ZNF484: variants seen among roughly 807,000 people sequenced by gnomAD.
ZNF484 encodes KRAB box containing C2H2 type zinc finger bA526D8.4.
ZNF484 carries 11 observed loss-of-function variants against 12.9 expected under a neutral mutation model. That is an observed-to-expected ratio of 0.85 (90% CI 0.54 to 1.41). The LOEUF is 1.41. Among genes scored for constraint, ZNF484 ranks in the 40% most tolerant of loss-of-function variants. ZNF484 has a pLI of 0.00. For missense variants in ZNF484, 807 were observed against 1,007.7 expected (o/e 0.80, Z 2.70); for synonymous variants, 289 against 334.1 (o/e 0.86, Z 1.47).
chr9:92,848,023 T>G lies in ZNF484; in HGVS notation c.764A>C (p.Asp255Ala). The stretch of plus-strand genomic sequence containing the variant: ...CTTCGGGGAGAAAACATTTACGTAG[T>G]CAGAAAACAAATAGAGGCTCTCTCT... The part of the protein sequence containing the change: ...HTRESLYLFS[D>A]YVNVFSPKSH... The change falls in exon 5 of 5, where the codon GAC (aspartate) becomes GCC (alanine). Residue 255 changes from aspartate to alanine, a missense_variant. Coordinates refer to ENST00000375495, the MANE Select transcript of ZNF484 (RefSeq NM_031486.4). The surrounding 1 kb of genome is among the most constrained non-coding windows in gnomAD (Gnocchi z 4.1). 6.2e-7 allele frequency: 1 copy of G among 1,614,218 alleles called. No individual in the cohort carries two copies.
In ZNF484 at chr9:92,848,067, T is replaced by C; in HGVS notation, c.720A>G (p.Gln240=). The change falls in exon 5 of 5, where the codon CAA becomes CAG. Residue 240 remains glutamine, a synonymous_variant. Coordinates refer to ENST00000375495, the MANE Select transcript of ZNF484 (RefSeq NM_031486.4). This position sits in a 1 kb window ranked among gnomAD's most constrained non-coding sequence, Gnocchi z 4.1. The part of the protein sequence containing the change: ...KPLHHKQALI[Q]QQKIHTRESL... The stretch of plus-strand genomic sequence containing the variant: ...TCTCTCTAGTATGAATTTTCTGTTG[T>C]TGAATGAGAGCTTGCTTATGATGCA... 1 of 1,614,242 alleles carries C rather than the reference T, an allele frequency of 6.2e-7. No homozygotes were observed. Among genetic ancestry groups the C allele is most frequent in the Non-Finnish European group, 8.5e-7 (1 of 1,180,038 alleles).
At position 92,846,357 on chromosome 9, in the gene ZNF484, C is replaced by T; in HGVS notation, c.2430G>A (p.Gly810=). ...KQKPYKCSDL[G]KALNWKPQLS... ...GTTGTGGCTTCCAGTTTAAGGCTTTCCCCAAGTCACTGCACTTATAGGGTT... is the reference window on the plus strand; with the variant it reads ...GTTGTGGCTTCCAGTTTAAGGCTTTTCCCAAGTCACTGCACTTATAGGGTT... Residue 810 remains glycine, a synonymous_variant, in exon 5 of 5, where the codon GGG becomes GGA. Transcript: ENST00000375495. 3.1e-6 allele frequency: 5 copies of T among 1,614,118 alleles called. No homozygotes were observed. Among genetic ancestry groups the T allele is most frequent in the Non-Finnish European group, 8.5e-7 (1 of 1,180,004 alleles).
At chr9:92,854,887 T>C (rs968004690) in intron 4 of ZNF484, among the ~76,000 whole-genome samples, 4 of 152,062 alleles carry the variant, frequency 2.6e-5, no homozygotes, top group East Asian at 1.9e-4. Flanking sequence ...ATGGACCAAT[T>C]TGAGAAAAAA....
chr9:92,851,575 A>G (rs1270335513), intron 4 of ZNF484, among the ~76,000 whole-genome samples: 2 of 152,100 alleles, frequency 1.3e-5, no homozygotes, highest in Non-Finnish European at 2.9e-5. Context: ...GCCCTAGGGG[A>G]TGGTGGTACA....
At chr9:92,852,817 G>A (rs182649538) in intron 4 of ZNF484, among the ~76,000 whole-genome samples, 80 of 152,256 alleles carry the variant, frequency 5.3e-4, no homozygotes, top group African/African-American at 1.7e-3. Context: ...GATTACAGGC[G>A]TGAGCCACTG....
chr9:92,867,501 AAAC>A (rs1326876745), intron 2 of ZNF484, among the ~76,000 whole-genome samples: 3 of 152,086 alleles, frequency 2.0e-5, no homozygotes, highest in Non-Finnish European at 4.4e-5. Context: ...AAGCAAAACA[AAAC>A]AACAACAACA....
intron 2 of ZNF484, among the ~76,000 whole-genome samples, chr9:92,860,136 G>A (rs1856693024): frequency 6.6e-6 from 1 of 152,146 alleles, no homozygotes; most frequent in Non-Finnish European, 1.5e-5. Flanking sequence ...TGTTGGCATA[G>A]AATATTCAGT....
At chr9:92,855,705 G>A (rs1234162478) in intron 4 of ZNF484, 106 bp downstream of exon 4, 12 of 977,860 alleles carry the variant, frequency 1.2e-5, no homozygotes, top group East Asian at 2.4e-5. Context: ...AGTTCTAAAA[G>A]TCATTATTAA....
chr9:92,869,308 C>A (rs574099643), intron 2 of ZNF484, among the ~76,000 whole-genome samples: 44 of 152,062 alleles, frequency 2.9e-4, no homozygotes, highest in Non-Finnish European at 5.3e-4. Flanking sequence ...TTAAGCCAGA[C>A]ACTTATAATT....
At chr9:92,862,727 T>G (rs75836861) in intron 2 of ZNF484, among the ~76,000 whole-genome samples, 4,940 of 152,228 alleles carry the variant, frequency 0.032, 110 homozygotes, top group Non-Finnish European at 0.046. Flanking sequence ...AATTTATATA[T>G]AGAGAAAAGA....
Position 92,845,057 on chromosome 9 carries a change from T to C in ZNF484, c.*1171A>G, listed in dbSNP as rs892771186. ...AATTTACATTAGCTTTTAATCCATA[T>C]GTATATTAGTATCTGACATAGTACA... is the stretch of plus-strand genomic sequence containing the variant. On this transcript the variant is annotated 3_prime_UTR_variant, in exon 5 of 5. Coordinates refer to ENST00000375495, the MANE Select transcript of ZNF484 (RefSeq NM_031486.4). The surrounding 1 kb of genome is among the most constrained non-coding windows in gnomAD (Gnocchi z 4.0). The C allele has an allele frequency of 1.3e-5, 2 of 152,164 alleles. No homozygotes were observed. Among genetic ancestry groups the C allele is most frequent in the Non-Finnish European group, 2.9e-5 (2 of 68,010 alleles). 9.4% of individuals were successfully genotyped at this position (152,164 alleles called of 1,614,324 possible).
Position 92,846,795 on chromosome 9 carries a change from A to C in ZNF484, c.1992T>G (p.Tyr664Ter), listed in dbSNP as rs756739894. 6 of 1,614,084 alleles carry C rather than the reference A, an allele frequency of 3.7e-6. No homozygotes were observed. The highest frequency in any genetic ancestry group is 4.2e-6 in the Non-Finnish European group (5 of 1,180,004). Residue 664 changes from tyrosine (Y) to a stop codon, truncating the protein, a stop_gained, in exon 5 of 5, where the codon TAT (tyrosine) becomes TAG (stop). Coordinates refer to ENST00000375495, the MANE Select transcript of ZNF484 (RefSeq NM_031486.4). LOFTEE classifies it low-confidence loss of function (END_TRUNC). ...AGGCTTTCCCACAGTCACTACATTT[A>C]TAAGGTTTCTCTCCAGTGTGAATTT... is the stretch of plus-strand genomic sequence containing the variant. ...HQKIHTGEKP[Y>*]KCSDCGKAFT... is the part of the protein sequence containing the mutation.
chr9:92,870,849 G>A (rs2118209481), intron 2 of ZNF484, among the ~76,000 whole-genome samples: 1 of 152,320 alleles, frequency 6.6e-6, no homozygotes, highest in Non-Finnish European at 1.5e-5. Context: ...CCAACTAGCA[G>A]TAATGAGGTG....
intron 2 of ZNF484, among the ~76,000 whole-genome samples, chr9:92,859,279 G>A (rs937199542): frequency 2.6e-5 from 4 of 152,036 alleles, no homozygotes; most frequent in Admixed American, 1.3e-4. Flanking sequence ...AAAAAAAAGA[G>A]TGCATTCCAC....
chr9:92,872,914 A>G (rs1857544494), intron 2 of ZNF484, among the ~76,000 whole-genome samples: 1 of 152,194 alleles, frequency 6.6e-6, no homozygotes, highest in Admixed American at 6.5e-5. Context: ...AGTGCTAAAA[A>G]AAAAAACAAA....
rs911050819 is a variant in ZNF484, at chr9:92,874,877, CTCT to C, written c.15+135_15+137del. 1.1e-5 allele frequency: 9 copies of C among 818,090 alleles called. No homozygotes were observed. In the African/African-American group the frequency reaches 1.6e-4, roughly 14 times the overall value. 50.7% of individuals were successfully genotyped at this position (818,090 alleles called of 1,614,324 possible). A position where few individuals can be genotyped will look rare whatever the true frequency, so the allele number is the denominator to read the frequency against. On this transcript the variant is annotated intron_variant, in intron 2 of 4. Coordinates refer to ENST00000375495, the MANE Select transcript of ZNF484 (RefSeq NM_031486.4). ...CTAAACTTGACTTGGGGCTGACAGT[CTCT>C]TCTTCATTTTATCTGATCTTAGTTT...
At position 92,847,719 on chromosome 9, in the gene ZNF484, A is replaced by G. The variant is rs1855755684; in HGVS notation, c.1068T>C (p.Tyr356=). 1.2e-6 allele frequency: 2 copies of G among 1,613,788 alleles called. No individual in the cohort carries two copies. Among genetic ancestry groups the G allele is most frequent in the Non-Finnish European group, 1.7e-6 (2 of 1,180,030 alleles). The part of the protein sequence containing the change: ...CQRIHSGEKP[Y]EYSECEKNLP... ...GGTTTTTCTCACATTCACTGTACTCATAAGGTTTTTCTCCAGAATGAATTC... is the reference window on the plus strand; with the variant it reads ...GGTTTTTCTCACATTCACTGTACTCGTAAGGTTTTTCTCCAGAATGAATTC... The change falls in exon 5 of 5, where the codon TAT becomes TAC. Residue 356 remains tyrosine (Y), a synonymous_variant. Coordinates refer to ENST00000375495, the MANE Select transcript of ZNF484 (RefSeq NM_031486.4).
chr9:92,851,056 T>C (rs1014013704), intron 4 of ZNF484, among the ~76,000 whole-genome samples: 3 of 152,224 alleles, frequency 2.0e-5, no homozygotes, highest in East Asian at 1.9e-4. Context: ...GCCAAGCACA[T>C]GGCTGCTTCA....
At chr9:92,876,725 C>G (rs975554525) in intron 1 of ZNF484, among the ~76,000 whole-genome samples, 2 of 152,030 alleles carry the variant, frequency 1.3e-5, no homozygotes, top group African/African-American at 4.8e-5. Context: ...TGTATGTATG[C>G]CCATCCCTCA....
Sources: allele counts gnomAD v4.1 joint callset (sites outside exome capture counted in the v4.1 genomes callset), GRCh38; gene constraint gnomAD v4.1.1; non-coding constraint Gnocchi (gnomAD v3.1); transcripts MANE v1.5; gene names NCBI Gene and HGNC (gene_info 2026-07-23, HGNC 2026-07-21).